Variants in REEP1 observed in about 807,000 individuals in gnomAD.
REEP1 encodes the protein receptor accessory protein 1, also known as receptor expression-enhancing protein 1.
In REEP1, 22 loss-of-function variants were observed where a neutral mutation model predicts 40.3. That is an observed-to-expected ratio of 0.55 (90% confidence interval 0.39 to 0.78). The LOEUF is 0.78. Ranked by LOEUF, REEP1 falls within the 30% of genes least tolerant of loss-of-function variation. The pLI is 0.00. For synonymous variants in REEP1, 116 were observed against 139.2 expected (o/e 0.83, Z 1.17); for missense variants, 280 against 361.1 (o/e 0.78, Z 1.82).
chr2:86,226,967 T>A (rs1176729805), intron 7 of REEP1, among the ~76,000 whole-genome samples: 2 of 152,060 alleles, frequency 1.3e-5, no homozygotes, highest in Non-Finnish European at 1.5e-5. Flanking sequence ...CTGCCCTCTA[T>A]CTCTTGAATG....
chr2:86,315,888 A>T (rs1477194893), intron 1 of REEP1, among the ~76,000 whole-genome samples: 1 of 152,192 alleles, frequency 6.6e-6, no homozygotes, highest in African/African-American at 2.4e-5. Context: ...GACCAAAATC[A>T]GGAGAGCTAA....
chr2:86,267,143 G>A (rs1200167769), intron 2 of REEP1, among the ~76,000 whole-genome samples: 1 of 152,054 alleles, frequency 6.6e-6, no homozygotes, highest in Non-Finnish European at 1.5e-5. Flanking sequence ...GTTTGGATGT[G>A]TGGTTGTGTC....
chr2:86,251,872 C>T, intron 5 of REEP1, 85 bp downstream of exon 5: 1 of 931,608 alleles, frequency 1.1e-6, no homozygotes, highest in Non-Finnish European at 1.8e-6. Flanking sequence ...GGTCCTTAGC[C>T]TGTTCTGTGT....
At position 86,335,418 on chromosome 2, in the gene REEP1, C is replaced by T. The variant is rs562343868; in HGVS notation, c.32+2061G>A. Among the ~76,000 whole-genome samples, 5 of 152,224 alleles carry T rather than the reference C, an allele frequency of 3.3e-5. No homozygotes were observed. In the South Asian group the frequency reaches 1.0e-3, roughly 32 times the overall value. On this transcript the variant is annotated intron_variant, in intron 1 of 8. Coordinates refer to ENST00000538924, the MANE Select transcript of REEP1 (RefSeq NM_001371279.1). ...CCAAATCCCATCAACTCTCCTTGGG[C>T]CACATAATGCTGTTCATTTAAATTC...
chr2:86,268,197 T>C (rs1677245292), intron 2 of REEP1, among the ~76,000 whole-genome samples: 1 of 152,068 alleles, frequency 6.6e-6, no homozygotes, highest in South Asian at 2.1e-4. Flanking sequence ...AAGAAAGAGA[T>C]AAAACCATTT....
intron 6 of REEP1, among the ~76,000 whole-genome samples, chr2:86,228,104 C>T (rs1402453711): frequency 1.3e-5 from 2 of 152,112 alleles, no homozygotes; most frequent in African/African-American, 4.8e-5. Context: ...GAGGGTCAGG[C>T]CAAGTACACT....
intron 6 of REEP1, among the ~76,000 whole-genome samples, chr2:86,230,151 C>T (rs866006936): frequency 3.0e-4 from 45 of 152,218 alleles, no homozygotes; most frequent in African/African-American, 1.0e-3. Context: ...TGGCAGGGGA[C>T]GTCATCACCT....
chr2:86,247,695 C>T (rs1206386605), intron 5 of REEP1, among the ~76,000 whole-genome samples: 6 of 151,928 alleles, frequency 3.9e-5, no homozygotes, highest in Non-Finnish European at 7.4e-5. Flanking sequence ...CTCAGCCTTC[C>T]GAGTAGCTGG....
In REEP1 at chr2:86,286,787, CA is replaced by C. The variant is rs562010217; in HGVS notation, c.33-4546del. Among the ~76,000 whole-genome samples the C allele has an allele frequency of 4.2e-4, 64 of 152,294 alleles. 1 individual carries two copies. The highest frequency in any genetic ancestry group is 3.5e-3 in the Admixed American group (54 of 15,298). ...TTGCTGACCGTAGCCAAGTCCTCTG[CA>C]AACCATGAAACAAACTAGTATTTTC... On this transcript the variant is annotated intron_variant, in intron 1 of 8. Coordinates refer to ENST00000538924, the MANE Select transcript of REEP1 (RefSeq NM_001371279.1).
At chr2:86,244,301 T>C (rs6730604) in intron 5 of REEP1, among the ~76,000 whole-genome samples, 132,514 of 152,134 alleles carry the variant, frequency 0.87, 58,196 homozygotes, top group East Asian at 0.95. Context: ...GATAAGGATA[T>C]GTGGGAGAGG....
At chr2:86,229,415 CAT>C (rs1674889169) in intron 6 of REEP1, among the ~76,000 whole-genome samples, 1 of 152,060 alleles carries the variant, frequency 6.6e-6, no homozygotes, top group African/African-American at 2.4e-5. Context: ...TCTGGCCTGG[CAT>C]CTGAGGCCCA....
At chr2:86,259,044 A>G (rs2104275685) in intron 3 of REEP1, among the ~76,000 whole-genome samples, 1 of 152,296 alleles carries the variant, frequency 6.6e-6, no homozygotes, top group African/African-American at 2.4e-5. Context: ...ACGGTGGCTC[A>G]TGCCTGTAAT....
rs116032098 is a variant in REEP1, at chr2:86,231,216, T to A, written c.595+1409A>T. Among the ~76,000 whole-genome samples, 1,404 of 152,270 alleles carry A rather than the reference T, an allele frequency of 9.2e-3. 17 individuals are homozygous for A. The highest frequency in any genetic ancestry group is 0.032 in the African/African-American group (1,317 of 41,556). ...CCTGAGGTCATTTCCTGTCTGGCCT[T>A]TTGGGATTCCATTCCTGGGGGGGGG... On this transcript the variant is annotated intron_variant, in intron 6 of 8. Coordinates refer to ENST00000538924, the MANE Select transcript of REEP1 (RefSeq NM_001371279.1).
chr2:86,321,364 G>C (rs969359233), intron 1 of REEP1, among the ~76,000 whole-genome samples: 1 of 152,212 alleles, frequency 6.6e-6, no homozygotes, highest in Non-Finnish European at 1.5e-5. Context: ...CCCTGGCTCT[G>C]AGCAGTTTAC....
At chr2:86,289,529 T>C (rs1293422651) in intron 1 of REEP1, among the ~76,000 whole-genome samples, 1 of 152,222 alleles carries the variant, frequency 6.6e-6, no homozygotes, top group Non-Finnish European at 1.5e-5. Context: ...CTTGACCCTT[T>C]GTTTTTCTAT....
intron 5 of REEP1, among the ~76,000 whole-genome samples, chr2:86,245,432 G>A (rs1453892013): frequency 2.0e-5 from 3 of 152,160 alleles, no homozygotes; most frequent in East Asian, 1.9e-4. Context: ...GGTTAAGCCC[G>A]CTCCCACTAG....
intron 2 of REEP1, among the ~76,000 whole-genome samples, chr2:86,266,412 G>A (rs1677135272): frequency 6.6e-6 from 1 of 151,702 alleles, no homozygotes; most frequent in Non-Finnish European, 1.5e-5. Flanking sequence ...GAGGTCAGGA[G>A]ATCGAGACCA....
rs374771445 is a variant in REEP1 at position 86,264,140 on chromosome 2, G to A, written c.106-99C>T. 3.3e-5 allele frequency: 28 copies of A among 844,430 alleles called. No homozygotes were observed. The African/African-American group carries it at 3.5e-4, about 11-fold the overall frequency. The allele number at this position is 844,430 out of a possible 1,614,324, so 52.3% of individuals were successfully genotyped here. On this transcript the variant is annotated intron_variant, in intron 2 of 8. Transcript: ENST00000538924. ...GCCCCGGCGGCAGATACGGAGGCACGTCCAGGTGGTGCAGCCTGCATTTGT... is the reference window on the plus strand; with the variant it reads ...GCCCCGGCGGCAGATACGGAGGCACATCCAGGTGGTGCAGCCTGCATTTGT...
At chr2:86,243,262 G>A (rs1227660525) in intron 5 of REEP1, among the ~76,000 whole-genome samples, 4 of 152,122 alleles carry the variant, frequency 2.6e-5, no homozygotes, top group Non-Finnish European at 5.9e-5. Context: ...GGAGAACGAG[G>A]AGGTGCCATG....
Sources: gnomAD v4.1 joint callset for allele counts (sites outside exome capture counted in the v4.1 genomes callset) on GRCh38, gnomAD v4.1.1 for gene constraint, MANE v1.5 for transcripts, NCBI Gene and HGNC (gene_info 2026-07-23, HGNC 2026-07-21) for gene names.